The following PDE3A variants were observed in gnomAD, a reference collection of about 807,000 sequenced individuals.
PDE3A encodes the protein cGMP-inhibited 3',5'-cyclic phosphodiesterase 3A.
In PDE3A, 43 loss-of-function variants were observed where a neutral mutation model predicts 98.3. That is an observed-to-expected ratio of 0.44 (90% CI 0.34 to 0.56). The LOEUF is 0.56. Among genes scored for constraint, PDE3A ranks in the 20% least tolerant of loss-of-function variants. The probability of loss-of-function intolerance (pLI) is 0.01; values close to 1 mark genes in which losing one functional copy is unlikely to be tolerated. For synonymous variants in PDE3A, 663 were observed against 567.9 expected, an observed-to-expected ratio of 1.17 and a Z score of -2.38; for missense variants, 1,427 against 1,440.7, an observed-to-expected ratio of 0.99 and a Z score of 0.15.
intron 1 of PDE3A, among the ~76,000 whole-genome samples, chr12:20,448,752 G>GTTTTTTTTTT: frequency 7.2e-6 from 1 of 138,554 alleles, no homozygotes; most frequent in South Asian, 2.3e-4. Flanking sequence ...TTATTTTAAG[G>GTTTTTTTTTT]TTTTTTTTTT....
intron 1 of PDE3A, chr12:20,449,772 C>A: frequency 2.0e-6 from 1 of 495,004 alleles, no homozygotes; most frequent in Non-Finnish European, 3.7e-6. Flanking sequence ...TTCACCAGTG[C>A]TGTGAGGGAC....
At chr12:20,677,615 A>G (rs1309553042) in intron 15 of PDE3A, among the ~76,000 whole-genome samples, 3 of 152,096 alleles carry the variant, frequency 2.0e-5, no homozygotes, top group Non-Finnish European at 2.9e-5. Context: ...GCCCGCCACC[A>G]TGCCTGGCTA....
chr12:20,496,310 T>G (rs1177456198), intron 1 of PDE3A, among the ~76,000 whole-genome samples: 1 of 152,194 alleles, frequency 6.6e-6, no homozygotes, highest in Non-Finnish European at 1.5e-5. Flanking sequence ...GAGCCATCCT[T>G]TGCCATTGTG....
At chr12:20,522,623 G>A (rs1946450391) in intron 1 of PDE3A, among the ~76,000 whole-genome samples, 1 of 152,134 alleles carries the variant, frequency 6.6e-6, no homozygotes, top group Non-Finnish European at 1.5e-5. Context: ...ATCTCGGTTA[G>A]AGATTTTAGT....
chr12:20,600,437 A>G (rs1943567656), intron 2 of PDE3A, among the ~76,000 whole-genome samples: 1 of 152,056 alleles, frequency 6.6e-6, no homozygotes, highest in Non-Finnish European at 1.5e-5. Flanking sequence ...AGTTAATCAA[A>G]GCTCTTGAAT....
intron 1 of PDE3A, among the ~76,000 whole-genome samples, chr12:20,492,749 C>T (rs942632691): frequency 1.3e-5 from 2 of 152,234 alleles, no homozygotes; most frequent in South Asian, 2.1e-4. Context: ...ACCTCAACCT[C>T]CTTTCTTTTA....
intron 1 of PDE3A, among the ~76,000 whole-genome samples, chr12:20,465,126 G>A (rs1184899840): frequency 6.6e-6 from 1 of 151,986 alleles, no homozygotes; most frequent in Non-Finnish European, 1.5e-5. Flanking sequence ...TAAATTCCAG[G>A]TCTAAGTTCA....
In PDE3A at chr12:20,683,562, T is replaced by C. The variant is rs1463017355; in HGVS notation, c.*3291T>C. ...AGCATGCTAATAAATGTCTTTCCGG[T>C]TATATATCTATCTAAATTAACCTTT... On this transcript the variant is annotated 3_prime_UTR_variant, in exon 16 of 16. Coordinates refer to ENST00000359062, the MANE Select transcript of PDE3A (RefSeq NM_000921.5). The C allele has an allele frequency of 6.6e-6, 1 of 152,180 alleles. No individual in the cohort carries two copies. Among genetic ancestry groups the C allele is most frequent in the African/African-American group, 2.4e-5 (1 of 41,444 alleles). 9.4% of individuals were successfully genotyped at this position (152,180 alleles called of 1,614,324 possible).
At chr12:20,649,464 GT>G (rs1274549527) in intron 13 of PDE3A, among the ~76,000 whole-genome samples, 3 of 152,056 alleles carry the variant, frequency 2.0e-5, no homozygotes, top group Non-Finnish European at 4.4e-5. Flanking sequence ...TGTCATTGTG[GT>G]TTTTGTTTGA....
chr12:20,603,773 C>T (rs571612032), intron 2 of PDE3A, among the ~76,000 whole-genome samples: 17 of 152,232 alleles, frequency 1.1e-4, no homozygotes, highest in East Asian at 7.7e-4. Flanking sequence ...TTTTGGACCA[C>T]GCACTCTCAC....
At chr12:20,563,878 C>T (rs1456628789) in intron 2 of PDE3A, among the ~76,000 whole-genome samples, 2 of 152,122 alleles carry the variant, frequency 1.3e-5, no homozygotes, top group Non-Finnish European at 2.9e-5. Context: ...CAGTTCTGCA[C>T]TATTGGACAA....
intron 1 of PDE3A, among the ~76,000 whole-genome samples, chr12:20,535,858 T>G (rs1354034859): frequency 6.6e-6 from 1 of 152,166 alleles, no homozygotes; most frequent in Non-Finnish European, 1.5e-5. Context: ...TACATATTAA[T>G]GCTGAAATCT....
intron 1 of PDE3A, among the ~76,000 whole-genome samples, chr12:20,386,104 T>TATAA (rs1943776619): frequency 2.6e-5 from 2 of 75,896 alleles, no homozygotes; most frequent in South Asian, 3.2e-4. Flanking sequence ...TATATAAATA[T>TATAA]ATATATAAAT....
chr12:20,449,435 T>C (rs1449125008), intron 1 of PDE3A, among the ~76,000 whole-genome samples: 1 of 152,246 alleles, frequency 6.6e-6, no homozygotes, highest in Non-Finnish European at 1.5e-5. Context: ...TTTATTCATT[T>C]TTTAGAACAT....
At chr12:20,439,242 C>A (rs1944828552) in intron 1 of PDE3A, among the ~76,000 whole-genome samples, 1 of 152,090 alleles carries the variant, frequency 6.6e-6, no homozygotes, top group South Asian at 2.1e-4. Context: ...GAGATAAGAG[C>A]AGAAAGGTTC....
chr12:20,460,717 G>A (rs569335021), intron 1 of PDE3A, among the ~76,000 whole-genome samples: 1 of 152,284 alleles, frequency 6.6e-6, no homozygotes, highest in East Asian at 1.9e-4. Context: ...CATCTGAAAA[G>A]ATGGCTTCAG....
intron 1 of PDE3A, among the ~76,000 whole-genome samples, chr12:20,537,184 A>T (rs975678333): frequency 3.3e-5 from 5 of 152,048 alleles, no homozygotes; most frequent in African/African-American, 1.2e-4. Context: ...GTACTTGATG[A>T]CCATTTGTAT....
chr12:20,614,713 T>C (rs1003580476), intron 3 of PDE3A, among the ~76,000 whole-genome samples: 1 of 152,206 alleles, frequency 6.6e-6, no homozygotes, highest in South Asian at 2.1e-4. Flanking sequence ...TTGAGTTTTC[T>C]CTTCCAACTG....
At chr12:20,503,275 A>G (rs919419532) in intron 1 of PDE3A, among the ~76,000 whole-genome samples, 45 of 152,158 alleles carry the variant, frequency 3.0e-4, no homozygotes, top group African/African-American at 1.0e-3. Flanking sequence ...TGGTTTCTAT[A>G]CTAGTTTATA....
Sources: allele counts gnomAD v4.1 joint callset (sites outside exome capture counted in the v4.1 genomes callset), GRCh38; gene constraint gnomAD v4.1.1; transcripts MANE v1.5; gene names NCBI Gene and HGNC (gene_info 2026-07-23, HGNC 2026-07-21).